The following ZSCAN5A variants were observed in gnomAD, a reference collection of about 807,000 sequenced individuals.
ZSCAN5A encodes the protein zinc finger and SCAN domain-containing protein 5A.
In ZSCAN5A, 12 loss-of-function variants were observed where a neutral mutation model predicts 23.7. The observed-to-expected ratio is 0.51, with a 90% CI of 0.32 to 0.82. ZSCAN5A has a LOEUF of 0.82. Ranked by LOEUF, ZSCAN5A falls within the 40% of genes least tolerant of loss-of-function variation. The pLI, the probability that ZSCAN5A is intolerant of heterozygous loss-of-function variation, is 0.03. For synonymous variants in ZSCAN5A, 257 were observed against 239.9 expected (o/e 1.07, Z -0.66); for missense variants, 597 against 617.9 (o/e 0.97, Z 0.36).
intron 2 of ZSCAN5A, chr19:56,266,330 G>A (rs1287679394): frequency 2.0e-5 from 3 of 152,110 alleles, no homozygotes; most frequent in African/African-American, 7.2e-5. Flanking sequence ...AAGCCAAGCT[G>A]CCTTTGCAGA....
At chr19:56,322,528 C>T (rs2041387402) in intron 2 of ZSCAN5A, among the ~76,000 whole-genome samples, 1 of 152,250 alleles carries the variant, frequency 6.6e-6, no homozygotes, top group Non-Finnish European at 1.5e-5. Flanking sequence ...ACTTCCACTA[C>T]AGTGTCTTTA....
chr19:56,350,846 TTAAA>T (rs993958289), intron 2 of ZSCAN5A, among the ~76,000 whole-genome samples: 12 of 152,060 alleles, frequency 7.9e-5, no homozygotes, highest in East Asian at 3.8e-4. Context: ...TAATATTTTA[TTAAA>T]TAATGTTTTA....
At chr19:56,356,780 A>G (rs2041703025) in intron 2 of ZSCAN5A, among the ~76,000 whole-genome samples, 1 of 148,322 alleles carries the variant, frequency 6.7e-6, no homozygotes, top group South Asian at 2.2e-4. Context: ...TTCTTTAAAG[A>G]GTCGGTAGTG....
intron 2 of ZSCAN5A, chr19:56,321,908 C>T (rs185847331): frequency 5.4e-5 from 42 of 783,780 alleles, no homozygotes; most frequent in Non-Finnish European, 7.8e-5. Flanking sequence ...TGTTACCATC[C>T]GGTACTGCTC....
At chr19:56,361,192 A>G (rs556320927) in intron 2 of ZSCAN5A, among the ~76,000 whole-genome samples, 56 of 152,364 alleles carry the variant, frequency 3.7e-4, no homozygotes, top group African/African-American at 1.2e-3. Context: ...AATTATTAAA[A>G]AGCCAAGAAG....
intron 2 of ZSCAN5A, among the ~76,000 whole-genome samples, chr19:56,228,801 G>A (rs540638250): frequency 5.3e-5 from 8 of 151,958 alleles, no homozygotes; most frequent in Non-Finnish European, 1.2e-4. Context: ...AATGAATATT[G>A]GTGATAATTT....
At chr19:56,295,607 C>A (rs954653716) in intron 2 of ZSCAN5A, among the ~76,000 whole-genome samples, 10 of 151,670 alleles carry the variant, frequency 6.6e-5, no homozygotes, top group Admixed American at 1.3e-4. Flanking sequence ...AAACAAAAAA[C>A]AAAACAAAAC....
chr19:56,364,425 T>A (rs968685277), intron 1 of ZSCAN5A, among the ~76,000 whole-genome samples: 2 of 152,156 alleles, frequency 1.3e-5, no homozygotes, highest in African/African-American at 4.8e-5. Context: ...TACAGACACA[T>A]CAGAATGACT....
Position 56,268,105 on chromosome 19 carries a change from C to T in ZSCAN5A, c.-127-42932G>A, listed in dbSNP as rs1468517145. ...AGTGGGGGACAGAAGACTCCAAGGG[C>T]TCCTCTATCTAGGATAGATGTGAAG... On this transcript the variant is annotated intron_variant, in intron 2 of 5. Coordinates refer to ENST00000683990, the MANE Select transcript of ZSCAN5A (RefSeq NM_001322064.3). Among the ~76,000 whole-genome samples, 5 of 152,214 alleles carry T rather than the reference C, an allele frequency of 3.3e-5. No individual in the cohort carries two copies. The South Asian group carries it at 6.2e-4, about 19-fold the overall frequency.
intron 2 of ZSCAN5A, chr19:56,228,230 G>A: frequency 1.0e-6 from 1 of 985,208 alleles, no homozygotes; most frequent in Non-Finnish European, 1.2e-6. Context: ...AAACCCGACA[G>A]ACATCCCCGC....
intron 2 of ZSCAN5A, among the ~76,000 whole-genome samples, chr19:56,236,043 C>T (rs372048178): frequency 2.2e-4 from 17 of 76,394 alleles, no homozygotes; most frequent in Admixed American, 3.8e-4. Context: ...CTCTGATGGA[C>T]GGTGGGCCAA....
At chr19:56,329,374 A>G in intron 2 of ZSCAN5A, among the ~76,000 whole-genome samples, 1 of 152,004 alleles carries the variant, frequency 6.6e-6, no homozygotes, top group East Asian at 1.9e-4. Flanking sequence ...AAACAAACAA[A>G]CAAACAAAAG....
intron 2 of ZSCAN5A, among the ~76,000 whole-genome samples, chr19:56,294,244 G>A (rs924169566): frequency 1.3e-5 from 2 of 152,142 alleles, no homozygotes; most frequent in Non-Finnish European, 2.9e-5. Context: ...GCCAAGCTCT[G>A]TACTGGGCGA....
At chr19:56,228,688 T>C (rs1256842361) in intron 2 of ZSCAN5A, among the ~76,000 whole-genome samples, 2 of 152,118 alleles carry the variant, frequency 1.3e-5, no homozygotes, top group Admixed American at 1.3e-4. Flanking sequence ...CTCTCACATA[T>C]GAATGTCAAG....
At chr19:56,247,052 T>G in intron 2 of ZSCAN5A, 1 of 808,972 alleles carries the variant, frequency 1.2e-6, no homozygotes. Context: ...AAGGAACTGC[T>G]GCCCTTTGCA....
At chr19:56,293,034 GC>G (rs2147172796) in intron 2 of ZSCAN5A, among the ~76,000 whole-genome samples, 1 of 152,282 alleles carries the variant, frequency 6.6e-6, no homozygotes, top group African/African-American at 2.4e-5. Context: ...CACATTCAAA[GC>G]CATCTAAACC....
intron 2 of ZSCAN5A, among the ~76,000 whole-genome samples, chr19:56,265,367 C>T (rs1189439770): frequency 1.4e-5 from 2 of 147,008 alleles, no homozygotes; most frequent in Non-Finnish European, 3.0e-5. Flanking sequence ...CTAGTATGCA[C>T]CTATACTCTA....
intron 2 of ZSCAN5A, among the ~76,000 whole-genome samples, chr19:56,260,489 C>T (rs1171231089): frequency 6.6e-6 from 1 of 152,092 alleles, no homozygotes; most frequent in African/African-American, 2.4e-5. Context: ...GCTGGGATTC[C>T]AGGCATGAGC....
intron 2 of ZSCAN5A, among the ~76,000 whole-genome samples, chr19:56,358,984 A>C (rs994374839): frequency 6.6e-6 from 1 of 152,190 alleles, no homozygotes; most frequent in African/African-American, 2.4e-5. Context: ...AAAGATCTCA[A>C]ATGGACACCC....
Sources: gnomAD v4.1 joint callset for allele counts (sites outside exome capture counted in the v4.1 genomes callset) on GRCh38, gnomAD v4.1.1 for gene constraint, MANE v1.5 for transcripts, NCBI Gene and HGNC (gene_info 2026-07-23, HGNC 2026-07-21) for gene names.